TMEM273: variants seen among roughly 807,000 people sequenced by gnomAD.
TMEM273 encodes transmembrane protein 273, also known as chromosome 10 open reading frame 128.
TMEM273 carries 19 observed loss-of-function variants against 17.9 expected under a neutral mutation model. The observed-to-expected ratio is 1.06, with a 90% CI of 0.74 to 1.55. TMEM273 has a LOEUF of 1.55. TMEM273 is among the 40% of genes most tolerant of loss of function. The probability of loss-of-function intolerance (pLI) is 0.00; values close to 1 mark genes in which losing one functional copy is unlikely to be tolerated. For missense variants in TMEM273, 194 were observed against 155.6 expected, an observed-to-expected ratio of 1.25 and a Z score of -1.31; for synonymous variants, 66 against 62.0, an observed-to-expected ratio of 1.07 and a Z score of -0.31.
intron 6 of TMEM273, among the ~76,000 whole-genome samples, chr10:49,156,434 G>A (rs1845515211): frequency 6.6e-6 from 1 of 152,204 alleles, no homozygotes; most frequent in Non-Finnish European, 1.5e-5. Flanking sequence ...AAGAGAAGAT[G>A]AGTCAACAAA....
chr10:49,183,314 T>C (rs1033122836), intron 1 of TMEM273, among the ~76,000 whole-genome samples: 7 of 151,902 alleles, frequency 4.6e-5, no homozygotes, highest in Admixed American at 1.3e-4. Context: ...AGAAACTCCA[T>C]GGTATACAAA....
At chr10:49,171,268 A>G (rs933027562) in intron 1 of TMEM273, among the ~76,000 whole-genome samples, 9 of 152,324 alleles carry the variant, frequency 5.9e-5, no homozygotes, top group Non-Finnish European at 1.0e-4. Context: ...CCGACTGCAT[A>G]AGTCTGGCTG....
At chr10:49,163,740 G>A (rs1353546472) in intron 5 of TMEM273, among the ~76,000 whole-genome samples, 1 of 152,166 alleles carries the variant, frequency 6.6e-6, no homozygotes, top group African/African-American at 2.4e-5. Flanking sequence ...AGGAGAGATG[G>A]GGTGCTGGGA....
chr10:49,171,781 A>G (rs989004933), intron 1 of TMEM273, among the ~76,000 whole-genome samples: 16 of 152,150 alleles, frequency 1.1e-4, no homozygotes, highest in African/African-American at 3.6e-4. Flanking sequence ...AGCTGAGATG[A>G]GTTATTTTGG....
intron 3 of TMEM273, 121 bp from the exon 4 acceptor site, chr10:49,165,917 G>C: frequency 2.4e-6 from 3 of 1,262,500 alleles, no homozygotes; most frequent in Non-Finnish European, 2.3e-6. Context: ...CGAGAGACCC[G>C]GGGCCTGGCT....
intron 5 of TMEM273, among the ~76,000 whole-genome samples, chr10:49,164,413 G>C (rs751741227): frequency 2.0e-5 from 3 of 152,008 alleles, no homozygotes; most frequent in African/African-American, 7.3e-5. Context: ...GTCTCTGTCC[G>C]GGCTTCCAGC....
chr10:49,161,686 A>G, intron 5 of TMEM273, 64 bp from the exon 6 acceptor site: 2 of 1,604,992 alleles, frequency 1.2e-6, no homozygotes, highest in Non-Finnish European at 1.7e-6. Flanking sequence ...ACAATGCAAA[A>G]CTTGCTGCAA....
At chr10:49,168,488 A>G (rs760126040) in intron 1 of TMEM273, among the ~76,000 whole-genome samples, 4 of 152,138 alleles carry the variant, frequency 2.6e-5, no homozygotes, top group Non-Finnish European at 5.9e-5. Flanking sequence ...TCAATATGTA[A>G]CAACATTTAC....
chr10:49,156,079 G>A lies in TMEM273; in HGVS notation c.373-170C>T, dbSNP rs1024398996. 4.7e-5 allele frequency: 72 copies of A among 1,543,554 alleles called. No individual in the cohort carries two copies. In the East Asian group the frequency reaches 5.1e-4, roughly 11 times the overall value. On this transcript the variant is annotated intron_variant, in intron 6 of 6. Coordinates refer to ENST00000374153, the MANE Select transcript of TMEM273 (RefSeq NM_001288740.3). ...CATAGAAAGGAACTGAAGGCCAGTG[G>A]CTTCTGGGTAAAGGGGAGAGCTCAA...
intron 3 of TMEM273, 90 bp downstream of exon 3, chr10:49,166,779 G>T: frequency 6.4e-7 from 1 of 1,572,810 alleles, no homozygotes. Flanking sequence ...TGCGCTTGTG[G>T]GTTCATTCTT....
chr10:49,181,634 C>T (rs1847345725), intron 1 of TMEM273, among the ~76,000 whole-genome samples: 1 of 152,098 alleles, frequency 6.6e-6, no homozygotes, highest in Admixed American at 6.5e-5. Flanking sequence ...ACCAACAGTG[C>T]TGGACCAATT....
rs568436073 is a variant in TMEM273 at position 49,187,418 on chromosome 10, A to G, written c.43+876T>C. On this transcript the variant is annotated intron_variant, in intron 1 of 6. Transcript: ENST00000374153. ...TACAACCTATTGGTCTGGAGACACA[A>G]GATTTAATCTGGAGACAGACTGCTT... Among the ~76,000 whole-genome samples, 6 of 152,348 alleles carry G rather than the reference A, an allele frequency of 3.9e-5. No homozygotes were observed. In the East Asian group the frequency reaches 1.2e-3, roughly 29 times the overall value.
intron 1 of TMEM273, among the ~76,000 whole-genome samples, chr10:49,186,397 A>G (rs1157940042): frequency 1.3e-5 from 2 of 152,212 alleles, no homozygotes; most frequent in African/African-American, 4.8e-5. Flanking sequence ...ATATTATTTC[A>G]TCAGGTTATA....
intron 6 of TMEM273, among the ~76,000 whole-genome samples, chr10:49,156,530 C>A (rs190256843): frequency 4.6e-5 from 7 of 152,310 alleles, no homozygotes; most frequent in Admixed American, 1.3e-4. Context: ...GCCTTGAGAC[C>A]AAATTCACAC....
chr10:49,177,690 G>A (rs144663441), intron 1 of TMEM273, among the ~76,000 whole-genome samples: 47 of 152,352 alleles, frequency 3.1e-4, no homozygotes, highest in Non-Finnish European at 5.4e-4. Context: ...TGTGTCACAT[G>A]TGACTCAACA....
At chr10:49,181,296 C>T (rs1847327614) in intron 1 of TMEM273, among the ~76,000 whole-genome samples, 1 of 152,132 alleles carries the variant, frequency 6.6e-6, no homozygotes, top group Non-Finnish European at 1.5e-5. Flanking sequence ...CCAGATTGAT[C>T]TATAGGTTTA....
chr10:49,176,739 G>C (rs1238207974), intron 1 of TMEM273, among the ~76,000 whole-genome samples: 1 of 152,078 alleles, frequency 6.6e-6, no homozygotes, highest in East Asian at 1.9e-4. Context: ...TGCTGCAGAG[G>C]AAACGGCAGC....
At chr10:49,159,452 G>A (rs1845706401) in intron 6 of TMEM273, among the ~76,000 whole-genome samples, 1 of 152,150 alleles carries the variant, frequency 6.6e-6, no homozygotes, top group South Asian at 2.1e-4. Context: ...TTATAGAATA[G>A]AGAAAATGAG....
intron 5 of TMEM273, 57 bp from the exon 6 acceptor site, chr10:49,161,679 AT>A: frequency 1.2e-6 from 2 of 1,609,814 alleles, no homozygotes; most frequent in Admixed American, 3.3e-5. Context: ...CAGAAAGACA[AT>A]GCAAAACTTG....
Sources: gnomAD v4.1 joint callset for allele counts (sites outside exome capture counted in the v4.1 genomes callset) on GRCh38, gnomAD v4.1.1 for gene constraint, MANE v1.5 for transcripts, NCBI Gene and HGNC (gene_info 2026-07-23, HGNC 2026-07-21) for gene names.